TBC1D4: variants seen among roughly 807,000 people sequenced by gnomAD.
The protein encoded by TBC1D4 is TBC1 domain family member 4.
A neutral mutation model predicts 142.5 loss-of-function variants in TBC1D4; 121 were observed. The ratio of observed to expected loss-of-function variants is 0.85; its 90% CI spans 0.73 to 0.99. TBC1D4 has a LOEUF of 0.99. Among genes scored for constraint, TBC1D4 ranks in the 50% least tolerant of loss-of-function variants. The pLI is 0.00. For synonymous variants in TBC1D4, 630 were observed against 628.2 expected (o/e 1.00, Z -0.04); for missense variants, 1,475 against 1,606.6 (o/e 0.92, Z 1.40).
intron 1 of TBC1D4, among the ~76,000 whole-genome samples, chr13:75,365,035 T>C (rs1448281701): frequency 1.3e-5 from 2 of 152,236 alleles, no homozygotes; most frequent in Admixed American, 6.5e-5. Flanking sequence ...AGTTTTTACA[T>C]GAAAAACTGA....
chr13:75,313,436 G>A (rs1877980045), intron 12 of TBC1D4, among the ~76,000 whole-genome samples: 1 of 152,202 alleles, frequency 6.6e-6, no homozygotes, highest in African/African-American at 2.4e-5. Context: ...TCAACCTTGG[G>A]ATTATTGGTA....
At chr13:75,438,117 C>T (rs1047194958) in intron 1 of TBC1D4, among the ~76,000 whole-genome samples, 8 of 152,204 alleles carry the variant, frequency 5.3e-5, no homozygotes, top group African/African-American at 1.9e-4. Context: ...ATATGGTGAA[C>T]TGCTCTTTCA....
In TBC1D4 at chr13:75,306,449, G is replaced by C; in HGVS notation, c.2616C>G (p.Ser872=). 1 of 1,613,088 alleles carries C rather than the reference G, an allele frequency of 6.2e-7. No individual in the cohort carries two copies. The highest frequency in any genetic ancestry group is 2.2e-5 in the East Asian group (1 of 44,752). ...KLEASRDELQ[S]RKVKLDYEEV... ...CTTCATAGTCTAATTTAACTTTTCT[G>C]GACTGGAGTTCATCTCTGCTTGCTA... Residue 872 remains serine (S), a synonymous_variant, in exon 15 of 21, where the codon TCC becomes TCG. Transcript: ENST00000377636.
At chr13:75,368,216 C>G (rs1170337863) in intron 1 of TBC1D4, among the ~76,000 whole-genome samples, 3 of 152,174 alleles carry the variant, frequency 2.0e-5, no homozygotes, top group Non-Finnish European at 4.4e-5. Flanking sequence ...AACTAAGGGT[C>G]TCCTTAAGGA....
chr13:75,419,543 A>G (rs1236110330), intron 1 of TBC1D4, among the ~76,000 whole-genome samples: 1 of 152,180 alleles, frequency 6.6e-6, no homozygotes, highest in Non-Finnish European at 1.5e-5. Context: ...TTAAAGGGGG[A>G]TAAATACTCT....
At chr13:75,416,658 A>C (rs1000935974) in intron 1 of TBC1D4, among the ~76,000 whole-genome samples, 2 of 152,242 alleles carry the variant, frequency 1.3e-5, no homozygotes, top group East Asian at 1.9e-4. Flanking sequence ...ATCTTATGCC[A>C]GCCCTGGATT....
At chr13:75,389,845 A>C (rs1170424779) in intron 1 of TBC1D4, among the ~76,000 whole-genome samples, 2 of 152,240 alleles carry the variant, frequency 1.3e-5, no homozygotes, top group Non-Finnish European at 1.5e-5. Context: ...CAATGTTGGC[A>C]GAAAAGGCCA....
intron 10 of TBC1D4, 47 bp downstream of exon 10, chr13:75,326,150 G>C: frequency 6.3e-7 from 1 of 1,597,534 alleles, no homozygotes; most frequent in Non-Finnish European, 8.6e-7. Context: ...AATCAAAACT[G>C]TGTGCCTTGA....
At chr13:75,400,309 G>C (rs1001106158) in intron 1 of TBC1D4, among the ~76,000 whole-genome samples, 4 of 151,910 alleles carry the variant, frequency 2.6e-5, no homozygotes, top group African/African-American at 9.7e-5. Flanking sequence ...CTGTTTACAT[G>C]GTTCCCATCA....
rs370608211 is a variant in TBC1D4 at position 75,432,319 on chromosome 13, C to A, written c.498+48951G>T. ...CCCAGATGTTCTATGGCCCCAGGAA[C>A]CTCGTGAGACTATGACTAAAAGGTC... On this transcript the variant is annotated intron_variant, in intron 1 of 20. Coordinates refer to ENST00000377636, the MANE Select transcript of TBC1D4 (RefSeq NM_014832.5). 6.6e-5 allele frequency among the ~76,000 whole-genome samples: 10 copies of A among 152,300 alleles called. No homozygotes were observed. The East Asian group carries it at 1.9e-3, about 29-fold the overall frequency.
intron 1 of TBC1D4, among the ~76,000 whole-genome samples, chr13:75,417,778 A>G (rs995256960): frequency 2.6e-5 from 4 of 152,212 alleles, no homozygotes; most frequent in African/African-American, 9.6e-5. Flanking sequence ...TTATAAATAA[A>G]TGCCTCAGGT....
chr13:75,309,317 C>A (rs926005677), intron 14 of TBC1D4, among the ~76,000 whole-genome samples: 2 of 151,800 alleles, frequency 1.3e-5, no homozygotes, highest in African/African-American at 4.8e-5. Context: ...AATAAGGCAC[C>A]ACAAACAGTA....
chr13:75,366,986 C>T (rs2138193403), intron 1 of TBC1D4: 1 of 985,286 alleles, frequency 1.0e-6, no homozygotes, highest in Non-Finnish European at 1.2e-6. Flanking sequence ...TGGTGTAGTC[C>T]TCAGTATTAG....
intron 12 of TBC1D4, among the ~76,000 whole-genome samples, chr13:75,317,436 G>A (rs531605834): frequency 1.3e-5 from 2 of 152,108 alleles, no homozygotes; most frequent in African/African-American, 4.8e-5. Flanking sequence ...TCTTTGCTTT[G>A]AAATAATTAC....
At chr13:75,411,460 T>C (rs774852333) in intron 1 of TBC1D4, among the ~76,000 whole-genome samples, 1 of 152,158 alleles carries the variant, frequency 6.6e-6, no homozygotes, top group Non-Finnish European at 1.5e-5. Context: ...AAAATAATAC[T>C]GAAATGGTTC....
chr13:75,466,925 C>T (rs1383425266), intron 1 of TBC1D4, among the ~76,000 whole-genome samples: 3 of 151,382 alleles, frequency 2.0e-5, no homozygotes, highest in Non-Finnish European at 4.4e-5. Context: ...AAAATGTAAG[C>T]AGCCAAAAAA....
At chr13:75,423,806 T>C (rs1465369488) in intron 1 of TBC1D4, among the ~76,000 whole-genome samples, 1 of 152,182 alleles carries the variant, frequency 6.6e-6, no homozygotes, top group Non-Finnish European at 1.5e-5. Flanking sequence ...AAAAGTAATC[T>C]TTAAAAATTA....
At chr13:75,354,264 T>C (rs537639716) in intron 4 of TBC1D4, among the ~76,000 whole-genome samples, 38 of 152,190 alleles carry the variant, frequency 2.5e-4, no homozygotes, top group African/African-American at 8.2e-4. Flanking sequence ...CAGTGAGGCA[T>C]ACACCAGGTT....
rs886590051 is a variant in TBC1D4, at chr13:75,481,875, C to T, written c.-108G>A. On this transcript the variant is annotated 5_prime_UTR_variant, in exon 1 of 21. Coordinates refer to ENST00000377636, the MANE Select transcript of TBC1D4 (RefSeq NM_014832.5). ...TGTGCCAACTGCCGCACCGGGCTCCCGCGCCTGCCTGGGAGCGGCGCGACC... is the reference window on the plus strand; with the variant it reads ...TGTGCCAACTGCCGCACCGGGCTCCTGCGCCTGCCTGGGAGCGGCGCGACC... 5.9e-6 allele frequency: 8 copies of T among 1,361,522 alleles called. No homozygotes were observed. In the African/African-American group the frequency reaches 1.2e-4, roughly 21 times the overall value. The allele number at this position is 1,361,522 out of a possible 1,614,324, so 84.3% of individuals were successfully genotyped here. A position where few individuals can be genotyped will look rare whatever the true frequency, so the allele number is the denominator to read the frequency against.
Sources: gnomAD v4.1 joint callset for allele counts (sites outside exome capture counted in the v4.1 genomes callset) on GRCh38, gnomAD v4.1.1 for gene constraint, MANE v1.5 for transcripts, NCBI Gene and HGNC (gene_info 2026-07-23, HGNC 2026-07-21) for gene names.